Variants in TTC7B observed in about 807,000 individuals in gnomAD.
TTC7B encodes tetratricopeptide repeat protein 7B.
TTC7B carries 28 observed loss-of-function variants against 106.8 expected under a neutral mutation model. That is an observed-to-expected ratio of 0.26 (90% CI 0.19 to 0.36). TTC7B has a LOEUF of 0.36. Among genes scored for constraint, TTC7B ranks in the 10% least tolerant of loss-of-function variants. TTC7B has a pLI of 1.00. For missense variants in TTC7B, 862 were observed against 1,076.4 expected (o/e 0.80, Z 2.79); for synonymous variants, 405 against 430.6 (o/e 0.94, Z 0.74).
At position 90,608,040 on chromosome 14, in the gene TTC7B, A is replaced by G. The variant is rs1892718115; in HGVS notation, c.1966+2702T>C. ...TTATGTAAATGTATTTCCTCTTCAA[A>G]TCAAATCAAGGTGAGGGAATAAACA... On this transcript the variant is annotated intron_variant, in intron 17 of 19. Transcript: ENST00000328459. The surrounding 1 kb of genome is among the most constrained non-coding windows in gnomAD (Gnocchi z 5.1). Among the ~76,000 whole-genome samples the G allele has an allele frequency of 1.3e-5, 2 of 151,314 alleles. No homozygotes were observed. The highest frequency in any genetic ancestry group is 1.3e-4 in the Admixed American group (2 of 15,100).
intron 5 of TTC7B, among the ~76,000 whole-genome samples, chr14:90,700,830 G>A (rs529997487): frequency 3.3e-5 from 5 of 150,954 alleles, no homozygotes; most frequent in South Asian, 2.1e-4. Flanking sequence ...GAGAATTTAC[G>A]TAACCCTTAG....
chr14:90,649,459 A>G (rs1482105804), intron 13 of TTC7B, among the ~76,000 whole-genome samples: 1 of 152,206 alleles, frequency 6.6e-6, no homozygotes, highest in Non-Finnish European at 1.5e-5. Flanking sequence ...TCCTCAGGCC[A>G]GGCAGATGAG....
chr14:90,700,607 T>A (rs546121880), intron 5 of TTC7B, among the ~76,000 whole-genome samples: 25 of 151,790 alleles, frequency 1.6e-4, no homozygotes, highest in African/African-American at 6.0e-4. Context: ...GTTATCTCAG[T>A]TACAAAGGGA....
At chr14:90,612,493 G>A (rs1000710849) in intron 16 of TTC7B, among the ~76,000 whole-genome samples, 6 of 152,240 alleles carry the variant, frequency 3.9e-5, no homozygotes, top group East Asian at 1.9e-4. Context: ...ATGAGGTATC[G>A]GCATTGCAAA....
At chr14:90,677,260 G>T (rs1886878556) in intron 8 of TTC7B, among the ~76,000 whole-genome samples, 1 of 152,120 alleles carries the variant, frequency 6.6e-6, no homozygotes, top group African/African-American at 2.4e-5. Context: ...GCACAACACA[G>T]ATATATAAGA....
chr14:90,719,824 G>C (rs1369381336), intron 5 of TTC7B, among the ~76,000 whole-genome samples: 1 of 152,162 alleles, frequency 6.6e-6, no homozygotes, highest in East Asian at 1.9e-4. Context: ...TAGTGTATTT[G>C]ATGCCAGTTA....
rs1889132468 is a variant in TTC7B at position 90,525,674 on chromosome 14, TG to T, written c.*15693del. The T allele has an allele frequency of 6.7e-6, 1 of 149,900 alleles. No individual in the cohort carries two copies. The highest frequency in any genetic ancestry group is 2.1e-4 in the South Asian group (1 of 4,680). The allele number at this position is 149,900 out of a possible 1,614,324, so 9.3% of individuals were successfully genotyped here. On this transcript the variant is annotated 3_prime_UTR_variant, in exon 20 of 20. Coordinates refer to ENST00000328459, the MANE Select transcript of TTC7B (RefSeq NM_001010854.2). ...TATAGATGTCCAGATTGTTAGACGG[TG>T]GGCTTCATCCGTCCTACCTCGCCCA... is the stretch of plus-strand genomic sequence containing the variant.
intron 19 of TTC7B, among the ~76,000 whole-genome samples, chr14:90,556,914 A>G (rs528657797): frequency 6.6e-6 from 1 of 152,242 alleles, no homozygotes; most frequent in South Asian, 2.1e-4. Flanking sequence ...AAGCCAGGGA[A>G]CGGGGGGGAC....
intron 17 of TTC7B, among the ~76,000 whole-genome samples, chr14:90,598,322 C>CCAAT (rs1892295601): frequency 1.3e-5 from 2 of 152,172 alleles, no homozygotes; most frequent in African/African-American, 4.8e-5. Flanking sequence ...TTTCCACAAG[C>CCAAT]CAATGGCTTT....
chr14:90,681,010 G>C (rs1952027), intron 7 of TTC7B, among the ~76,000 whole-genome samples: 25,714 of 152,112 alleles, frequency 0.17, 2,259 homozygotes, highest in Middle Eastern at 0.22. Context: ...CTCTAATACT[G>C]TAAGAATTTA....
chr14:90,657,491 C>T lies in TTC7B; in HGVS notation c.1237-213G>A. 1 of 462,860 alleles carries T rather than the reference C, an allele frequency of 2.2e-6. No individual in the cohort carries two copies. 28.7% of individuals were successfully genotyped at this position (462,860 alleles called of 1,614,324 possible). On this transcript the variant is annotated intron_variant, in intron 10 of 19. Transcript: ENST00000328459. This position sits in a 1 kb window ranked among gnomAD's most constrained non-coding sequence, Gnocchi z 4.2. The stretch of plus-strand genomic sequence containing the variant: ...ACTGGGTTAAAAGCCAGCAGGAATG[C>T]TTCTCTGGCGCCACCTGAATTTCAT...
At chr14:90,557,103 C>T (rs1156362460) in intron 19 of TTC7B, among the ~76,000 whole-genome samples, 1 of 152,302 alleles carries the variant, frequency 6.6e-6, no homozygotes, top group African/African-American at 2.4e-5. Flanking sequence ...CCCACTCTTT[C>T]CCAAAGACCC....
chr14:90,564,279 A>G (rs1595162556), intron 19 of TTC7B, among the ~76,000 whole-genome samples: 1 of 152,244 alleles, frequency 6.6e-6, no homozygotes, highest in East Asian at 1.9e-4. Context: ...GAACAATAAT[A>G]TTTTGAGAGG....
intron 4 of TTC7B, among the ~76,000 whole-genome samples, chr14:90,731,026 C>A (rs558287952): frequency 1.3e-5 from 2 of 152,052 alleles, no homozygotes; most frequent in African/African-American, 2.4e-5. Context: ...GCTCACTGCA[C>A]GCTCCGCCTC....
rs2030710047 is a variant in TTC7B at position 90,808,179 on chromosome 14, C to G, written c.121+7996G>C. Among the ~76,000 whole-genome samples the G allele has an allele frequency of 6.6e-6, 1 of 152,174 alleles. No individual in the cohort carries two copies. The highest frequency in any genetic ancestry group is 1.5e-5 in the Non-Finnish European group (1 of 68,028). ...AGACGCAAGAGGCTGGGCACAGTGG[C>G]TCACGCCTGTAATCCCAGCACTTTG... On this transcript the variant is annotated intron_variant, in intron 1 of 19. Transcript: ENST00000328459. This position sits in a 1 kb window ranked among gnomAD's most constrained non-coding sequence, Gnocchi z 4.2.
intron 6 of TTC7B, among the ~76,000 whole-genome samples, chr14:90,692,819 G>A (rs1462873292): frequency 1.3e-5 from 2 of 151,920 alleles, no homozygotes; most frequent in African/African-American, 2.4e-5. Context: ...TCCTAAAAAT[G>A]GAAATATTTT....
Position 90,593,530 on chromosome 14 carries a change from G to A in TTC7B, c.2063C>T (p.Pro688Leu), listed in dbSNP as rs747272993. Residue 688 changes from proline to leucine, a missense_variant, in exon 18 of 20, where the codon CCG becomes CTG. Coordinates refer to ENST00000328459, the MANE Select transcript of TTC7B (RefSeq NM_001010854.2). The part of the protein sequence containing the change: ...SLQSSAPKQG[P>L]LHPWMTLAQI... ...TGCCAGCGTCATCCAGGGGTGCAGC[G>A]GGCCCTGCTTAGGGGCACTGCTCTG... 13 of 1,610,812 alleles carry A rather than the reference G, an allele frequency of 8.1e-6. No individual in the cohort carries two copies. The highest frequency in any genetic ancestry group is 1.7e-4 in the Middle Eastern group (1 of 6,056).
chr14:90,741,155 T>A (rs1437055986), intron 4 of TTC7B, among the ~76,000 whole-genome samples: 1 of 152,162 alleles, frequency 6.6e-6, no homozygotes, highest in African/African-American at 2.4e-5. Flanking sequence ...ACAGCTTCTG[T>A]CAGCTCCCTC....
At chr14:90,693,014 C>T (rs376778078) in intron 6 of TTC7B, among the ~76,000 whole-genome samples, 1 of 152,084 alleles carries the variant, frequency 6.6e-6, no homozygotes, top group East Asian at 1.9e-4. Flanking sequence ...GTTGTACGTC[C>T]ACCTCTTAAA....
Sources: allele counts gnomAD v4.1 joint callset (sites outside exome capture counted in the v4.1 genomes callset), GRCh38; gene constraint gnomAD v4.1.1; non-coding constraint Gnocchi (gnomAD v3.1); transcripts MANE v1.5; gene names NCBI Gene and HGNC (gene_info 2026-07-23, HGNC 2026-07-21).